Variants in CTNNA3 observed in about 807,000 individuals in gnomAD.
The protein encoded by CTNNA3 is catenin alpha 3.
CTNNA3 carries 76 observed loss-of-function variants against 95.7 expected under a neutral mutation model. The ratio of observed to expected loss-of-function variants is 0.79; its 90% CI spans 0.66 to 0.96. The LOEUF (loss-of-function observed/expected upper bound fraction) is 0.96, where lower values mean the gene tolerates loss of function less well. Among genes scored for constraint, CTNNA3 ranks in the 40% least tolerant of loss-of-function variants. The pLI, the probability that CTNNA3 is intolerant of heterozygous loss-of-function variation, is 0.00. For synonymous variants in CTNNA3, 431 were observed against 374.4 expected (o/e 1.15, Z -1.74); for missense variants, 1,191 against 1,089.8 (o/e 1.09, Z -1.31).
chr10:66,585,454 AT>A (rs1330387043), intron 10 of CTNNA3, among the ~76,000 whole-genome samples: 3 of 151,530 alleles, frequency 2.0e-5, no homozygotes, highest in Non-Finnish European at 4.4e-5. Flanking sequence ...GAGTTCTGAA[AT>A]TCTTTCTTCT....
At chr10:67,236,265 T>A (rs1362887966) in intron 5 of CTNNA3, among the ~76,000 whole-genome samples, 1 of 150,536 alleles carries the variant, frequency 6.6e-6, no homozygotes, top group Non-Finnish European at 1.5e-5. Flanking sequence ...CCAACCCAAA[T>A]GTCCAACAAT....
intron 7 of CTNNA3, among the ~76,000 whole-genome samples, chr10:67,172,839 G>A (rs1304797630): frequency 2.0e-5 from 3 of 151,974 alleles, no homozygotes; most frequent in African/African-American, 7.3e-5. Flanking sequence ...GCCAGCTATG[G>A]TGGTGTACAC....
intron 13 of CTNNA3, among the ~76,000 whole-genome samples, chr10:66,128,290 ATT>A (rs1225524174): frequency 1.3e-5 from 2 of 152,166 alleles, no homozygotes. Context: ...AATGAGCTAA[ATT>A]TCTCTGAGAA....
chr10:67,509,441 G>A (rs1024967622), intron 5 of CTNNA3, among the ~76,000 whole-genome samples: 2 of 152,114 alleles, frequency 1.3e-5, no homozygotes, highest in African/African-American at 4.8e-5. Flanking sequence ...AACATGTGGT[G>A]TTTGGTTTTC....
intron 7 of CTNNA3, among the ~76,000 whole-genome samples, chr10:66,782,444 T>A (rs2132849571): frequency 6.6e-6 from 1 of 152,218 alleles, no homozygotes; most frequent in Non-Finnish European, 1.5e-5. Flanking sequence ...GAGACTCAGC[T>A]CAATTGTCTC....
At chr10:67,569,614 A>G (rs1841920171) in intron 3 of CTNNA3, among the ~76,000 whole-genome samples, 1 of 152,128 alleles carries the variant, frequency 6.6e-6, no homozygotes, top group South Asian at 2.1e-4. Context: ...CAGCGTAGCC[A>G]TTTCATAAAT....
At chr10:66,740,353 G>C (rs1195671464) in intron 9 of CTNNA3, among the ~76,000 whole-genome samples, 1 of 152,208 alleles carries the variant, frequency 6.6e-6, no homozygotes, top group African/African-American at 2.4e-5. Context: ...CAGCATCTGT[G>C]AGGCTCTGGG....
At chr10:67,484,808 A>G (rs533528552) in intron 5 of CTNNA3, among the ~76,000 whole-genome samples, 1 of 152,256 alleles carries the variant, frequency 6.6e-6, no homozygotes, top group African/African-American at 2.4e-5. Flanking sequence ...GAAAAAGTCA[A>G]AAAAACAACA....
In CTNNA3 at chr10:66,811,741, T is replaced by A. The variant is rs544690125; in HGVS notation, c.1048-36217A>T. On this transcript the variant is annotated intron_variant, in intron 7 of 17. Transcript: ENST00000433211. ...AATTGTGCATGATCGCTTTAATACA[T>A]TTTTTAATTCTCTCAATAACCAAGC... Among the ~76,000 whole-genome samples, 9 of 152,312 alleles carry A rather than the reference T, an allele frequency of 5.9e-5. No homozygotes were observed. In the South Asian group the frequency reaches 1.9e-3, roughly 32 times the overall value.
intron 10 of CTNNA3, among the ~76,000 whole-genome samples, chr10:66,616,346 A>G (rs1328555813): frequency 6.6e-6 from 1 of 152,078 alleles, no homozygotes; most frequent in Non-Finnish European, 1.5e-5. Context: ...ACTCTTCTCT[A>G]TATTGAGATA....
intron 5 of CTNNA3, among the ~76,000 whole-genome samples, chr10:67,242,508 G>A (rs1471744775): frequency 6.6e-6 from 1 of 152,188 alleles, no homozygotes; most frequent in Non-Finnish European, 1.5e-5. Context: ...TAGGGCAGAT[G>A]AAAGTAAATA....
At chr10:66,216,245 G>A (rs1650898367) in intron 13 of CTNNA3, among the ~76,000 whole-genome samples, 1 of 152,216 alleles carries the variant, frequency 6.6e-6, no homozygotes, top group Non-Finnish European at 1.5e-5. Context: ...ATCTTTGTAT[G>A]TTGGTTATGC....
intron 7 of CTNNA3, among the ~76,000 whole-genome samples, chr10:67,068,545 T>C (rs1856235272): frequency 6.6e-6 from 1 of 152,132 alleles, no homozygotes. Context: ...AAGAATTTTA[T>C]AGTGTGAGAA....
intron 1 of CTNNA3, chr10:67,750,197 A>C (rs1248909411): frequency 7.5e-7 from 1 of 1,326,918 alleles, no homozygotes; most frequent in Non-Finnish European, 1.1e-6. Flanking sequence ...AGTCAGTGAG[A>C]CCAAGAACCC....
At chr10:66,788,485 A>G (rs564212911) in intron 7 of CTNNA3, among the ~76,000 whole-genome samples, 1 of 152,286 alleles carries the variant, frequency 6.6e-6, no homozygotes, top group African/African-American at 2.4e-5. Context: ...ACATCAAATA[A>G]TGGGTGTCTA....
rs954076788 is a variant in CTNNA3, at chr10:67,741,179, G to C, written c.-2+22255C>G. Reference sequence around the variant, plus strand: ...TGTTGTGGCATGGGGAGAGGGGGGAGAGATAGCATTGGGAGATATACCTAA... The same window carrying C: ...TGTTGTGGCATGGGGAGAGGGGGGACAGATAGCATTGGGAGATATACCTAA... On this transcript the variant is annotated intron_variant, in intron 1 of 17. Coordinates refer to the CTNNA3 transcript ENST00000684154. 1.3e-5 allele frequency among the ~76,000 whole-genome samples: 2 copies of C among 150,936 alleles called. 1 individual carries two copies. Among genetic ancestry groups the C allele is most frequent in the African/African-American group, 4.9e-5 (2 of 41,190 alleles).
At chr10:66,855,256 C>T (rs539832794) in intron 7 of CTNNA3, among the ~76,000 whole-genome samples, 4 of 151,974 alleles carry the variant, frequency 2.6e-5, no homozygotes, top group African/African-American at 7.2e-5. Context: ...CTTTGTAAAT[C>T]GTGGCATAAC....
chr10:65,935,506 G>T (rs2077323361), intron 17 of CTNNA3, among the ~76,000 whole-genome samples: 1 of 152,164 alleles, frequency 6.6e-6, no homozygotes, highest in Non-Finnish European at 1.5e-5. Flanking sequence ...TGAAAAGACT[G>T]GTTTTTATTT....
At chr10:67,728,758 T>C (rs1039587873) in intron 1 of CTNNA3, among the ~76,000 whole-genome samples, 82 of 152,294 alleles carry the variant, frequency 5.4e-4, no homozygotes, top group Middle Eastern at 6.8e-3. Flanking sequence ...CACAGCTGTG[T>C]GCTAATTTAT....
Sources: allele counts gnomAD v4.1 joint callset (sites outside exome capture counted in the v4.1 genomes callset), GRCh38; gene constraint gnomAD v4.1.1; transcripts MANE v1.5; gene names NCBI Gene and HGNC (gene_info 2026-07-23, HGNC 2026-07-21).